The following KLHL1 variants were observed in gnomAD, a reference collection of about 807,000 sequenced individuals.
The protein encoded by KLHL1 is kelch like family member 1, also known as kelch-like protein 1.
In KLHL1, 47 loss-of-function variants were observed where a neutral mutation model predicts 77.7. That is an observed-to-expected ratio of 0.60 (90% CI 0.48 to 0.77). KLHL1 has a LOEUF of 0.77. Ranked by LOEUF, KLHL1 falls within the 30% of genes least tolerant of loss-of-function variation. The pLI is 0.00. For synonymous variants in KLHL1, 360 were observed against 325.2 expected (o/e 1.11, Z -1.15); for missense variants, 925 against 910.8 (o/e 1.02, Z -0.20).
chr13:69,988,189 A>C (rs1461620878), intron 1 of KLHL1, among the ~76,000 whole-genome samples: 1 of 151,858 alleles, frequency 6.6e-6, no homozygotes, highest in African/African-American at 2.4e-5. Flanking sequence ...CTTAGCTGCT[A>C]CTTATAAGTG....
At chr13:70,077,583 A>ACT in intron 1 of KLHL1, among the ~76,000 whole-genome samples, 1 of 152,048 alleles carries the variant, frequency 6.6e-6, no homozygotes, top group African/African-American at 2.4e-5. Flanking sequence ...GCAAACCCAT[A>ACT]GATTTTGGAT....
intron 7 of KLHL1, among the ~76,000 whole-genome samples, chr13:69,783,644 C>T (rs567590927): frequency 1.4e-4 from 20 of 144,906 alleles, no homozygotes; most frequent in South Asian, 6.8e-4. Flanking sequence ...TAAAAAGAAA[C>T]GAACAAAGCC....
chr13:69,918,387 A>C (rs1882515452), intron 4 of KLHL1, among the ~76,000 whole-genome samples: 1 of 152,148 alleles, frequency 6.6e-6, no homozygotes, highest in African/African-American at 2.4e-5. Flanking sequence ...ATTTTCTCCC[A>C]AAATAGTACT....
intron 5 of KLHL1, among the ~76,000 whole-genome samples, chr13:69,878,309 G>C (rs1566356279): frequency 6.6e-6 from 1 of 151,156 alleles, no homozygotes; most frequent in Non-Finnish European, 1.5e-5. Flanking sequence ...TTATACTCTT[G>C]TCTTGGTCAG....
intron 1 of KLHL1, among the ~76,000 whole-genome samples, chr13:70,011,322 A>T (rs1442046164): frequency 1.3e-5 from 2 of 152,202 alleles, no homozygotes; most frequent in African/African-American, 4.8e-5. Context: ...CTGTCAACAC[A>T]GATATTATAA....
intron 5 of KLHL1, among the ~76,000 whole-genome samples, chr13:69,866,721 T>G (rs1444105046): frequency 6.6e-6 from 1 of 152,156 alleles, no homozygotes; most frequent in Non-Finnish European, 1.5e-5. Flanking sequence ...ATGAAATGCC[T>G]TTGTAATGAA....
At chr13:69,741,175 C>A (rs1435643452) in intron 7 of KLHL1, among the ~76,000 whole-genome samples, 1 of 152,060 alleles carries the variant, frequency 6.6e-6, no homozygotes. Context: ...CAATTAAATA[C>A]AATTAATAGA....
chr13:69,710,854 G>A (rs1333831366), intron 9 of KLHL1, among the ~76,000 whole-genome samples: 2 of 151,972 alleles, frequency 1.3e-5, no homozygotes, highest in East Asian at 1.9e-4. Flanking sequence ...GGGTCTTACT[G>A]TATTTAGGCT....
Position 70,028,961 on chromosome 13 carries a change from GAC to G in KLHL1, c.498-53161_498-53160del, listed in dbSNP as rs1231514994. ...CACTGCACTGCATTCCAGCTTGGATGACAGAGTGAAAACTTGTTAAAAAAAAA... is the reference window on the plus strand; with the variant it reads ...CACTGCACTGCATTCCAGCTTGGATGAGAGTGAAAACTTGTTAAAAAAAAA... On this transcript the variant is annotated intron_variant, in intron 1 of 10. Transcript: ENST00000377844. Among the ~76,000 whole-genome samples the G allele has an allele frequency of 2.9e-5, 4 of 138,298 alleles. No individual in the cohort carries two copies. In the East Asian group the frequency reaches 8.9e-4, roughly 31 times the overall value. 90.7% of individuals were successfully genotyped at this position (138,298 alleles called of 152,430 possible). A position where few individuals can be genotyped will look rare whatever the true frequency, so the allele number is the denominator to read the frequency against.
intron 1 of KLHL1, among the ~76,000 whole-genome samples, chr13:70,046,891 A>G (rs1566529775): frequency 6.6e-6 from 1 of 152,202 alleles, no homozygotes; most frequent in Non-Finnish European, 1.5e-5. Flanking sequence ...GCATTAAGGA[A>G]ATTGTTTTGC....
At chr13:69,925,733 C>A (rs994796983) in intron 4 of KLHL1, among the ~76,000 whole-genome samples, 1 of 152,072 alleles carries the variant, frequency 6.6e-6, no homozygotes, top group African/African-American at 2.4e-5. Context: ...TTCGTCTTTA[C>A]AAGTTAATTT....
At chr13:69,945,462 GAA>G (rs58910588) in intron 3 of KLHL1, among the ~76,000 whole-genome samples, 6 of 106,582 alleles carry the variant, frequency 5.6e-5, no homozygotes, top group African/African-American at 2.0e-4. Flanking sequence ...TTAAAAGAAA[GAA>G]AAAAAAAAAG....
chr13:69,901,787 C>CTTTTTTTTTTTTT (rs1237100844), intron 4 of KLHL1, among the ~76,000 whole-genome samples: 7 of 80,140 alleles, frequency 8.7e-5, no homozygotes, highest in Non-Finnish European at 1.2e-4. Context: ...CTTTCTTTTT[C>CTTTTTTTTTTTTT]TTTTTTTCTT....
chr13:69,783,304 AAT>A (rs1395863647), intron 7 of KLHL1, among the ~76,000 whole-genome samples: 1 of 152,218 alleles, frequency 6.6e-6, no homozygotes, highest in African/African-American at 2.4e-5. Context: ...CCTCACCAGC[AAT>A]AGAACAAAGC....
chr13:70,010,476 A>G (rs571223009), intron 1 of KLHL1, among the ~76,000 whole-genome samples: 1 of 152,336 alleles, frequency 6.6e-6, no homozygotes, highest in Admixed American at 6.5e-5. Flanking sequence ...CAAACTCAAA[A>G]TTATTCAAAG....
chr13:70,098,068 AC>A (rs1391645024), intron 1 of KLHL1, among the ~76,000 whole-genome samples: 1 of 151,906 alleles, frequency 6.6e-6, no homozygotes, highest in African/African-American at 2.4e-5. Flanking sequence ...GAGGCTTGTC[AC>A]ATGCTGCAAG....
At chr13:69,952,114 T>G (rs73212551) in intron 3 of KLHL1, among the ~76,000 whole-genome samples, 3,648 of 151,534 alleles carry the variant, frequency 0.024, 83 homozygotes, top group Non-Finnish European at 0.033. Context: ...TTTGTTTAAC[T>G]GAATCTGGCA....
intron 1 of KLHL1, among the ~76,000 whole-genome samples, chr13:70,000,390 T>G (rs1336722675): frequency 6.6e-6 from 1 of 151,810 alleles, no homozygotes; most frequent in Non-Finnish European, 1.5e-5. Context: ...ATAAAAACAT[T>G]AAGAAAAATC....
chr13:69,786,321 C>T (rs1201273995), intron 7 of KLHL1, among the ~76,000 whole-genome samples: 1 of 152,166 alleles, frequency 6.6e-6, no homozygotes, highest in East Asian at 1.9e-4. Flanking sequence ...ATCAAGTGGG[C>T]TTCATCCCTG....
Sources: gnomAD v4.1 joint callset for allele counts (sites outside exome capture counted in the v4.1 genomes callset) on GRCh38, gnomAD v4.1.1 for gene constraint, MANE v1.5 for transcripts, NCBI Gene and HGNC (gene_info 2026-07-23, HGNC 2026-07-21) for gene names.